The following TENM1 variants were observed in gnomAD, a reference collection of about 807,000 sequenced individuals.
TENM1 encodes the protein teneurin-1.
TENM1 carries 35 observed loss-of-function variants against 174.8 expected under a neutral mutation model. That is an observed-to-expected ratio of 0.20 (90% CI 0.15 to 0.27). TENM1 has a LOEUF of 0.27. TENM1 is among the 10% of genes least tolerant of loss of function. The pLI is 1.00. For missense variants in TENM1, 1,633 were observed against 2,130.1 expected, an observed-to-expected ratio of 0.77 and a Z score of 4.59; for synonymous variants, 781 against 798.7, an observed-to-expected ratio of 0.98 and a Z score of 0.37.
chrX:125,185,518 T>TA, the TENM1 span, among the ~76,000 whole-genome samples: 5 of 112,535 alleles, frequency 4.4e-5, no homozygotes, highest in African/African-American at 1.6e-4. Flanking sequence ...TTTAAAACAA[T>TA]GCATTTCATT....
chrX:124,830,960 G>A (rs1347579644), intron 3 of TENM1, among the ~76,000 whole-genome samples: 2 of 111,394 alleles, frequency 1.8e-5, no homozygotes, highest in Non-Finnish European at 3.8e-5. Flanking sequence ...AGGTATTTTC[G>A]TTTTTAGCTC....
chrX:125,035,422 A>G, the TENM1 span, among the ~76,000 whole-genome samples: 1 of 111,749 alleles, frequency 8.9e-6, no homozygotes, highest in Admixed American at 9.5e-5. Context: ...AAGTGACTCC[A>G]TGAGTCCATG....
chrX:124,551,464 T>C (rs185633254), intron 14 of TENM1, among the ~76,000 whole-genome samples: 2 of 110,365 alleles, frequency 1.8e-5, no homozygotes, highest in East Asian at 5.7e-4. Context: ...TAATGAGGTA[T>C]TGTGCAGTTA....
At chrX:124,563,152 T>G (rs1256746118) in intron 13 of TENM1, among the ~76,000 whole-genome samples, 2 of 110,455 alleles carry the variant, frequency 1.8e-5, no homozygotes, top group Admixed American at 1.9e-4. Context: ...TGGGACATAT[T>G]AAACTTCTGA....
At chrX:125,003,819 C>T in the TENM1 span, among the ~76,000 whole-genome samples, 2 of 111,341 alleles carry the variant, frequency 1.8e-5, no homozygotes, top group African/African-American at 6.5e-5. Context: ...TGTCTAAATA[C>T]ATCTGCACAA....
At chrX:124,716,777 G>C (rs1054589050) in intron 4 of TENM1, among the ~76,000 whole-genome samples, 1 of 111,619 alleles carries the variant, frequency 9.0e-6, no homozygotes, top group African/African-American at 3.3e-5. Flanking sequence ...GAAAAGGAAA[G>C]AAAGCCTCAG....
chrX:124,863,018 C>G (rs909687555), intron 3 of TENM1, among the ~76,000 whole-genome samples: 1 of 108,932 alleles, frequency 9.2e-6, no homozygotes, highest in Non-Finnish European at 1.9e-5. Context: ...ACTGGACAAA[C>G]CCTGGGCCAG....
At chrX:124,852,840 T>G (rs1418244426) in intron 3 of TENM1, among the ~76,000 whole-genome samples, 1 of 110,046 alleles carries the variant, frequency 9.1e-6, no homozygotes, top group Admixed American at 9.7e-5. Flanking sequence ...AGTGAAGGAG[T>G]CTAAAAAGAC....
chrX:124,404,971 A>G (rs2060445836), intron 27 of TENM1, 60 bp downstream of exon 30: 13 of 1,044,369 alleles, frequency 1.2e-5, no homozygotes, highest in Non-Finnish European at 1.7e-5. Context: ...AAACAAACAA[A>G]CAAACAAACA....
At chrX:124,952,229 A>G (rs762525920) in intron 1 of TENM1, among the ~76,000 whole-genome samples, 1 of 110,739 alleles carries the variant, frequency 9.0e-6, no homozygotes, top group South Asian at 3.9e-4. Flanking sequence ...TTGCCTTTCC[A>G]TTATCATATA....
At chrX:124,629,309 G>A (rs2050706973) in intron 11 of TENM1, among the ~76,000 whole-genome samples, 1 of 112,059 alleles carries the variant, frequency 8.9e-6, no homozygotes, top group African/African-American at 3.2e-5. Flanking sequence ...GCAAACACAG[G>A]AAACAATACC....
the TENM1 span, among the ~76,000 whole-genome samples, chrX:125,039,472 G>A: frequency 9.0e-6 from 1 of 110,541 alleles, no homozygotes; most frequent in Non-Finnish European, 1.9e-5. Context: ...AGTCAATTTT[G>A]TTCAGCCACC....
chrX:125,087,333 G>A, the TENM1 span, among the ~76,000 whole-genome samples: 2 of 110,699 alleles, frequency 1.8e-5, no homozygotes, highest in Non-Finnish European at 3.8e-5. Flanking sequence ...TGTTGATTCA[G>A]TAAATCTAAA....
intron 18 of TENM1, among the ~76,000 whole-genome samples, chrX:124,506,790 C>T (rs939431868): frequency 8.9e-6 from 1 of 111,839 alleles, no homozygotes; most frequent in Non-Finnish European, 1.9e-5. Flanking sequence ...TCCAAGCTCA[C>T]AAGAACTAGC....
At chrX:125,008,370 C>A in the TENM1 span, among the ~76,000 whole-genome samples, 2 of 111,568 alleles carry the variant, frequency 1.8e-5, no homozygotes, top group Non-Finnish European at 3.8e-5. Context: ...CAGGAGTACC[C>A]AGATTAATAA....
chrX:125,033,715 T>C, the TENM1 span, among the ~76,000 whole-genome samples: 27 of 109,322 alleles, frequency 2.5e-4, no homozygotes, highest in African/African-American at 7.5e-4. Flanking sequence ...GCTGCAGATT[T>C]GCTTTTTTTT....
rs749996081 is a variant in TENM1 at position 124,740,437 on chromosome X, T to A, written c.536-3240A>T. ...ATTGAAAAGTGCAATCATAGTATTA[T>A]TATTTCTGTTGCAGGTAGAATGGCT... is the stretch of plus-strand genomic sequence containing the variant. On this transcript the variant is annotated intron_variant, in intron 3 of 31. Coordinates refer to ENST00000422452, the Ensembl canonical transcript of TENM1. 4.4e-3 allele frequency among the ~76,000 whole-genome samples: 437 copies of A among 99,901 alleles called. 1 individual carries two copies. The highest frequency in any genetic ancestry group is 0.018 in the African/African-American group (410 of 22,552). 86.8% of individuals were successfully genotyped at this position (99,901 alleles called of 115,157 possible). A position where few individuals can be genotyped will look rare whatever the true frequency, so the allele number is the denominator to read the frequency against.
the TENM1 span, among the ~76,000 whole-genome samples, chrX:125,178,382 A>G: frequency 9.0e-6 from 1 of 111,638 alleles, no homozygotes. Flanking sequence ...CTTTTTGTTT[A>G]GTATTCACTT....
At chrX:124,903,664 C>T (rs1471084739) in intron 1 of TENM1, among the ~76,000 whole-genome samples, 2 of 111,851 alleles carry the variant, frequency 1.8e-5, no homozygotes. Context: ...CAGCAGTTAC[C>T]ACTACAATGA....
Sources: allele counts gnomAD v4.1 joint callset (sites outside exome capture counted in the v4.1 genomes callset), GRCh38; gene constraint gnomAD v4.1.1; transcripts MANE v1.5; gene names NCBI Gene and HGNC (gene_info 2026-07-23, HGNC 2026-07-21).